The following STXBP5L variants were observed in gnomAD, a reference collection of about 807,000 sequenced individuals.
The protein encoded by STXBP5L is syntaxin binding protein 5L.
A neutral mutation model predicts 144.5 loss-of-function variants in STXBP5L; 65 were observed. The observed-to-expected ratio is 0.45, with a 90% confidence interval of 0.37 to 0.55. The LOEUF is 0.55. Ranked by LOEUF, STXBP5L falls within the 20% of genes least tolerant of loss-of-function variation. The pLI, the probability that STXBP5L is intolerant of heterozygous loss-of-function variation, is 0.00. For synonymous variants in STXBP5L, 505 were observed against 469.6 expected (o/e 1.08, Z -0.97); for missense variants, 1,298 against 1,405.5 (o/e 0.92, Z 1.22).
chr3:121,299,295 G>C (rs540207345), intron 19 of STXBP5L, among the ~76,000 whole-genome samples: 1 of 152,220 alleles, frequency 6.6e-6, no homozygotes, highest in East Asian at 1.9e-4. Context: ...TTTCCTCCTT[G>C]AGGAGTTTCA....
intron 2 of STXBP5L, among the ~76,000 whole-genome samples, chr3:120,949,324 C>G (rs1165780885): frequency 6.6e-6 from 1 of 151,988 alleles, no homozygotes; most frequent in African/African-American, 2.4e-5. Flanking sequence ...AGTTGTTTCT[C>G]AGATGCATAG....
intron 5 of STXBP5L, among the ~76,000 whole-genome samples, chr3:121,102,448 A>G (rs1576962711): frequency 6.6e-6 from 1 of 152,290 alleles, no homozygotes; most frequent in Admixed American, 6.5e-5. Flanking sequence ...GTCAACAAAA[A>G]TAACCAATGG....
At chr3:121,130,508 C>A (rs192763652) in intron 7 of STXBP5L, among the ~76,000 whole-genome samples, 54 of 152,168 alleles carry the variant, frequency 3.5e-4, no homozygotes, top group African/African-American at 1.2e-3. Flanking sequence ...CATATATAAT[C>A]TTATGGGATT....
intron 3 of STXBP5L, among the ~76,000 whole-genome samples, chr3:120,975,544 C>T (rs1940878020): frequency 6.6e-6 from 1 of 152,218 alleles, no homozygotes; most frequent in South Asian, 2.1e-4. Flanking sequence ...TTTCCTTCTC[C>T]TGCCTGATTG....
intron 10 of STXBP5L, among the ~76,000 whole-genome samples, chr3:121,211,546 CA>C (rs1329699629): frequency 1.5e-4 from 23 of 151,040 alleles, no homozygotes; most frequent in Non-Finnish European, 4.4e-5. Flanking sequence ...ACATCTTCTC[CA>C]GCATCTCTTA....
At chr3:120,926,046 T>A (rs957877641) in intron 2 of STXBP5L, among the ~76,000 whole-genome samples, 1 of 152,206 alleles carries the variant, frequency 6.6e-6, no homozygotes, top group Non-Finnish European at 1.5e-5. Context: ...ATTATTGTCT[T>A]TGATAGGTTT....
At chr3:121,386,981 C>T (rs1467632739) in intron 22 of STXBP5L, among the ~76,000 whole-genome samples, 1 of 152,208 alleles carries the variant, frequency 6.6e-6, no homozygotes, top group Non-Finnish European at 1.5e-5. Context: ...AATTGCCACA[C>T]TGTCTTCCAT....
chr3:120,953,379 G>A (rs1937657369), intron 2 of STXBP5L, among the ~76,000 whole-genome samples: 1 of 143,728 alleles, frequency 7.0e-6, no homozygotes, highest in Non-Finnish European at 1.5e-5. Context: ...TTCAGGCTGG[G>A]GCGTAGTGAC....
At chr3:121,118,843 G>A (rs1559767803) in intron 6 of STXBP5L, among the ~76,000 whole-genome samples, 1 of 151,636 alleles carries the variant, frequency 6.6e-6, no homozygotes, top group Non-Finnish European at 1.5e-5. Flanking sequence ...TTTAGTGAAA[G>A]TGCAAGAGGT....
In STXBP5L at chr3:121,376,051, G is replaced by C. The variant is rs534381939; in HGVS notation, c.2177-2665G>C. On this transcript the variant is annotated intron_variant, in intron 20 of 26. Coordinates refer to ENST00000471454, the MANE Select transcript of STXBP5L (RefSeq NM_001308330.2). ...AATAAACAGTACTCTTATCTTGGAC[G>C]TGAGTAGTTTTATACTCTGGAACAA... Among the ~76,000 whole-genome samples, 5 of 152,264 alleles carry C rather than the reference G, an allele frequency of 3.3e-5. No individual in the cohort carries two copies. In the East Asian group the frequency reaches 9.6e-4, roughly 29 times the overall value.
chr3:121,323,607 T>C (rs909456262), intron 20 of STXBP5L, among the ~76,000 whole-genome samples: 1 of 152,186 alleles, frequency 6.6e-6, no homozygotes, highest in Non-Finnish European at 1.5e-5. Flanking sequence ...CAACTATACA[T>C]CAAATAATTT....
intron 18 of STXBP5L, among the ~76,000 whole-genome samples, chr3:121,266,442 C>A (rs767871459): frequency 6.8e-4 from 104 of 152,176 alleles, no homozygotes; most frequent in Non-Finnish European, 1.9e-4. Flanking sequence ...AGGCTAAAAA[C>A]TCTCAATAAA....
At chr3:121,115,375 G>C (rs115730973) in intron 6 of STXBP5L, among the ~76,000 whole-genome samples, 124 of 152,292 alleles carry the variant, frequency 8.1e-4, no homozygotes, top group African/African-American at 2.7e-3. Context: ...CTTTCAGTGA[G>C]AATGAATTGT....
intron 9 of STXBP5L, among the ~76,000 whole-genome samples, chr3:121,180,972 G>A (rs1007629662): frequency 1.3e-5 from 2 of 151,586 alleles, no homozygotes; most frequent in Admixed American, 6.6e-5. Flanking sequence ...GTAAGGGAGG[G>A]AAGGGGAGGG....
At chr3:121,048,996 A>T (rs909070294) in intron 5 of STXBP5L, among the ~76,000 whole-genome samples, 1 of 152,198 alleles carries the variant, frequency 6.6e-6, no homozygotes, top group Non-Finnish European at 1.5e-5. Flanking sequence ...CAAGGGCTGC[A>T]GGGCAGCAAA....
At chr3:121,217,336 T>C (rs73191436) in intron 10 of STXBP5L, among the ~76,000 whole-genome samples, 5,410 of 152,310 alleles carry the variant, frequency 0.036, 146 homozygotes, top group Middle Eastern at 0.082. Context: ...AATCTCCTTG[T>C]CTGCGGGTTG....
At chr3:121,003,523 G>C (rs13314307) in intron 3 of STXBP5L, among the ~76,000 whole-genome samples, 1 of 152,044 alleles carries the variant, frequency 6.6e-6, no homozygotes, top group African/African-American at 2.4e-5. Flanking sequence ...TCTGATGGTA[G>C]TTTCTTTTGC....
At chr3:120,939,494 C>T (rs1296394182) in intron 2 of STXBP5L, among the ~76,000 whole-genome samples, 2 of 152,090 alleles carry the variant, frequency 1.3e-5, no homozygotes, top group African/African-American at 2.4e-5. Flanking sequence ...GAAGAAGTCA[C>T]CATCTGAGGA....
intron 3 of STXBP5L, among the ~76,000 whole-genome samples, chr3:120,959,741 T>C (rs953644633): frequency 2.0e-5 from 3 of 152,134 alleles, no homozygotes; most frequent in South Asian, 2.1e-4. Context: ...TTACACCTTA[T>C]ACAAAAATTA....
Sources: gnomAD v4.1 joint callset for allele counts (sites outside exome capture counted in the v4.1 genomes callset) on GRCh38, gnomAD v4.1.1 for gene constraint, MANE v1.5 for transcripts, NCBI Gene and HGNC (gene_info 2026-07-23, HGNC 2026-07-21) for gene names.